Variants in ID1 observed in about 807,000 individuals in gnomAD.
ID1 encodes the protein DNA-binding protein inhibitor ID-1.
A neutral mutation model predicts 11.3 loss-of-function variants in ID1; 8 were observed. That is an observed-to-expected ratio of 0.71 (90% CI 0.42 to 1.28). The LOEUF is 1.28. Ranked by LOEUF, ID1 falls within the 50% of genes most tolerant of loss-of-function variation. The pLI is 0.01. For missense variants in ID1, 347 were observed against 219.8 expected, an observed-to-expected ratio of 1.58 and a Z score of -3.66; for synonymous variants, 176 against 100.2, an observed-to-expected ratio of 1.76 and a Z score of -4.52.
Position 31,606,129 on chromosome 20 carries a change from T to G in ID1, c.*35T>G. The G allele has an allele frequency of 5.0e-6, 8 of 1,596,576 alleles. No homozygotes were observed. The highest frequency in any genetic ancestry group is 6.8e-6 in the Non-Finnish European group (8 of 1,169,268). On this transcript the variant is annotated 3_prime_UTR_variant, in exon 2 of 2. Coordinates refer to ENST00000376112, the MANE Select transcript of ID1 (RefSeq NM_002165.4). ...CCCAGGGACCGGCGGACCCCAGCCA[T>G]CCAGGGGGCAAGAGGAATTACGTGC...
rs1481790127 is a variant in ID1 at position 31,606,076 on chromosome 20, T to G, written c.450T>G (p.Asp150Glu). ...TAEAACVPAD[D>E]RILCR is the part of the protein sequence containing the mutation. ...AGGCGGCATGCGTTCCTGCGGACGATCGCATCTTGTGTCGCTGAAGCGCCT... is the reference window on the plus strand; with the variant it reads ...AGGCGGCATGCGTTCCTGCGGACGAGCGCATCTTGTGTCGCTGAAGCGCCT... The change falls in exon 2 of 2, where the codon GAT (aspartate) becomes GAG (glutamate). Residue 150 changes from aspartate to glutamate, a missense_variant. By Grantham distance (45) the Asp-to-Glu change is conservative (BLOSUM62 2). Coordinates refer to ENST00000376112, the MANE Select transcript of ID1 (RefSeq NM_002165.4). 4 of 1,609,502 alleles carry G rather than the reference T, an allele frequency of 2.5e-6. No individual in the cohort carries two copies. Among genetic ancestry groups the G allele is most frequent in the African/African-American group, 1.3e-5 (1 of 75,058 alleles).
rs1568818876 is a variant in ID1, at chr20:31,605,449, C to T, written c.62C>T (p.Ala21Val). 1.2e-6 allele frequency: 2 copies of T among 1,608,764 alleles called. No individual in the cohort carries two copies. Among genetic ancestry groups the T allele is most frequent in the East Asian group, 2.2e-5 (1 of 44,724 alleles). ...AAAGPSCALK[A>V]GKTASGAGEV... Reference sequence around the variant, plus strand: ...GCGGGCCCCAGCTGCGCGCTGAAGGCCGGCAAGACAGCGAGCGGTGCGGGC... The same window carrying T: ...GCGGGCCCCAGCTGCGCGCTGAAGGTCGGCAAGACAGCGAGCGGTGCGGGC... The change falls in exon 1 of 2, where the codon GCC (alanine) becomes GTC (valine). Residue 21 changes from alanine to valine, a missense_variant. Coordinates refer to ENST00000376112, the MANE Select transcript of ID1 (RefSeq NM_002165.4).
At position 31,605,548 on chromosome 20, in the gene ID1, C is replaced by G; in HGVS notation, c.161C>G (p.Pro54Arg). The change falls in exon 1 of 2, where the codon CCT (proline) becomes CGT (arginine). Residue 54 changes from proline (P) to arginine (R), a missense_variant. By Grantham distance (103) the Pro-to-Arg change is moderately radical. Coordinates refer to ENST00000376112, the MANE Select transcript of ID1 (RefSeq NM_002165.4). ...GCCGGGGGCGCCGGGGCGCGCCTGC[C>G]TGCCCTGCTGGACGAGCAGCAGGTA... ...RCAGGAGARL[P>R]ALLDEQQVNV... 1 of 1,558,294 alleles carries G rather than the reference C, an allele frequency of 6.4e-7. No individual in the cohort carries two copies. The highest frequency in any genetic ancestry group is 8.7e-7 in the Non-Finnish European group (1 of 1,149,328).
rs184161698 is a variant in ID1 at position 31,606,267 on chromosome 20, A to T, written c.*173A>T. Reference sequence around the variant, plus strand: ...TGGGGCTGAGGCTGAGGCACTGGCGAGGAGAGGGCGCTCCTCTCTGCACAC... The same window carrying T: ...TGGGGCTGAGGCTGAGGCACTGGCGTGGAGAGGGCGCTCCTCTCTGCACAC... On this transcript the variant is annotated 3_prime_UTR_variant, in exon 2 of 2. Coordinates refer to ENST00000376112, the MANE Select transcript of ID1 (RefSeq NM_002165.4). The T allele has an allele frequency of 1.1e-3, 768 of 669,448 alleles. 1 individual carries two copies. The highest frequency in any genetic ancestry group is 3.2e-3 in the Admixed American group (123 of 38,358). The allele number at this position is 669,448 out of a possible 1,614,324, so 41.5% of individuals were successfully genotyped here.
rs1024733250 is a variant in ID1, at chr20:31,605,322, C to G, written c.-66C>G. Reference sequence around the variant, plus strand: ...TTCTTAACTGTTCCATTTTCCGTATCTGCTTCGGGCTTCCACCTCATTTTT... The same window carrying G: ...TTCTTAACTGTTCCATTTTCCGTATGTGCTTCGGGCTTCCACCTCATTTTT... On this transcript the variant is annotated 5_prime_UTR_variant, in exon 1 of 2. The change creates a new upstream start codon in the 5' untranslated region. Transcript: ENST00000376112. 4.7e-5 allele frequency: 67 copies of G among 1,439,206 alleles called. No individual in the cohort carries two copies. The highest frequency in any genetic ancestry group is 9.6e-5 in the East Asian group (4 of 41,496). 89.2% of individuals were successfully genotyped at this position (1,439,206 alleles called of 1,614,324 possible).
chr20:31,605,933 G>A, intron 1 of ID1, 120 bp downstream of exon 1: 3 of 1,588,974 alleles, frequency 1.9e-6, no homozygotes, highest in Non-Finnish European at 2.6e-6. Context: ...CTATGCGGGG[G>A]TGCCTAAGGA....
Position 31,606,069 on chromosome 20 carries a change from C to T in ID1, c.443C>T (p.Ala148Val), listed in dbSNP as rs765973693. Residue 148 changes from alanine to valine, a missense_variant, in exon 2 of 2, where the codon GCG (alanine) becomes GTG (valine). Ala to Val is a moderately conservative substitution (Grantham distance 64). Coordinates refer to ENST00000376112, the MANE Select transcript of ID1 (RefSeq NM_002165.4). The part of the protein sequence containing the change: ...ALTAEAACVP[A>V]DDRILCR ...TTTTCACAGGCGGCATGCGTTCCTG[C>T]GGACGATCGCATCTTGTGTCGCTGA... 4.3e-6 allele frequency: 7 copies of T among 1,609,860 alleles called. No homozygotes were observed. The East Asian group carries it at 6.7e-5, about 15-fold the overall frequency.
rs751261392 is a variant in ID1, at chr20:31,605,563, A to G, written c.176A>G (p.Glu59Gly). The G allele has an allele frequency of 3.8e-5, 59 of 1,558,494 alleles. No individual in the cohort carries two copies. The highest frequency in any genetic ancestry group is 5.0e-5 in the Non-Finnish European group (58 of 1,149,936). Residue 59 changes from glutamate to glycine, a missense_variant, in exon 1 of 2, where the codon GAG becomes GGG. Physicochemically the swap from Glu to Gly is moderately conservative, Grantham distance 98. Coordinates refer to ENST00000376112, the MANE Select transcript of ID1 (RefSeq NM_002165.4). The stretch of plus-strand genomic sequence containing the variant: ...GCGCGCCTGCCTGCCCTGCTGGACG[A>G]GCAGCAGGTAAACGTGCTGCTCTAC... ...AGARLPALLD[E>G]QQVNVLLYDM...
In ID1 at chr20:31,606,209, C is replaced by A; in HGVS notation, c.*115C>A. 4 of 1,116,652 alleles carry A rather than the reference C, an allele frequency of 3.6e-6. No individual in the cohort carries two copies. Among genetic ancestry groups the A allele is most frequent in the South Asian group, 1.3e-5 (1 of 75,722 alleles). 69.2% of individuals were successfully genotyped at this position (1,116,652 alleles called of 1,614,324 possible). A position where few individuals can be genotyped will look rare whatever the true frequency, so the allele number is the denominator to read the frequency against. On this transcript the variant is annotated 3_prime_UTR_variant, in exon 2 of 2. Transcript: ENST00000376112. ...GGATCTGAGGGAGAACAAGACCGATCGGCGGCCACTGCGCCCTTAACTGCA... is the reference window on the plus strand; with the variant it reads ...GGATCTGAGGGAGAACAAGACCGATAGGCGGCCACTGCGCCCTTAACTGCA...
rs1207370966 is a variant in ID1 at position 31,605,543 on chromosome 20, C to G, written c.156C>G (p.Arg52=). The change falls in exon 1 of 2, where the codon CGC becomes CGG. Residue 52 remains arginine, a synonymous_variant. Transcript: ENST00000376112. ...ISRCAGGAGA[R]LPALLDEQQV... is the part of the protein sequence containing the mutation. ...GCTGCGCCGGGGGCGCCGGGGCGCG[C>G]CTGCCTGCCCTGCTGGACGAGCAGC... 4 of 1,556,086 alleles carry G rather than the reference C, an allele frequency of 2.6e-6. No individual in the cohort carries two copies. The highest frequency in any genetic ancestry group is 3.5e-6 in the Non-Finnish European group (4 of 1,147,922).
chr20:31,605,909 T>G (rs1600701445), intron 1 of ID1, 96 bp downstream of exon 1: 2 of 1,582,780 alleles, frequency 1.3e-6, no homozygotes, highest in East Asian at 4.6e-5. Context: ...CGTCCCATCC[T>G]TGCGGGTACC....
At position 31,606,369 on chromosome 20, in the gene ID1, A is replaced by T; in HGVS notation, c.*275A>T. 1 of 546,358 alleles carries T rather than the reference A, an allele frequency of 1.8e-6. No homozygotes were observed. The highest frequency in any genetic ancestry group is 3.3e-6 in the Non-Finnish European group (1 of 300,168). 33.8% of individuals were successfully genotyped at this position (546,358 alleles called of 1,614,324 possible). On this transcript the variant is annotated 3_prime_UTR_variant, in exon 2 of 2. Coordinates refer to ENST00000376112, the MANE Select transcript of ID1 (RefSeq NM_002165.4). ...TTTTTTGAAAAGCAGACATTTTAAA[A>T]AATGGTCACGTTTGGTGCTTCTCAG... is the stretch of plus-strand genomic sequence containing the variant.
Position 31,606,259 on chromosome 20 carries a change from C to A in ID1, c.*165C>A. 1.4e-6 allele frequency: 1 copy of A among 711,736 alleles called. No individual in the cohort carries two copies. Among genetic ancestry groups the A allele is most frequent in the Non-Finnish European group, 2.4e-6 (1 of 410,754 alleles). The allele number at this position is 711,736 out of a possible 1,614,324, so 44.1% of individuals were successfully genotyped here. ...ATCCAGCCTGGGGCTGAGGCTGAGG[C>A]ACTGGCGAGGAGAGGGCGCTCCTCT... On this transcript the variant is annotated 3_prime_UTR_variant, in exon 2 of 2. Transcript: ENST00000376112.
chr20:31,605,925 A>C, intron 1 of ID1, 112 bp downstream of exon 1: 3 of 1,586,144 alleles, frequency 1.9e-6, no homozygotes. Context: ...GTACCTGGCT[A>C]TGCGGGGGTG....
At chr20:31,605,852 G>C (rs1468272327) in intron 1 of ID1, 39 bp downstream of exon 1, 2 of 1,599,608 alleles carry the variant, frequency 1.3e-6, no homozygotes, top group African/African-American at 2.7e-5. Context: ...TCCTTATACC[G>C]ACGGGGAAAC....
rs116070319 is a variant in ID1, at chr20:31,605,356, G to A, written c.-32G>A. 2.1e-3 allele frequency: 3,232 copies of A among 1,573,664 alleles called. 57 individuals carry two copies. The African/African-American group carries it at 0.04, about 19-fold the overall frequency. ...GCTTCCACCTCATTTTTTTCGCTTT[G>A]CCCATTCTGTTTCAGCCAGTCGCCA... On this transcript the variant is annotated 5_prime_UTR_variant, in exon 1 of 2. Transcript: ENST00000376112.
In ID1 at chr20:31,606,276, C is replaced by A; in HGVS notation, c.*182C>A. The A allele has an allele frequency of 1.5e-6, 1 of 647,010 alleles. No individual in the cohort carries two copies. Among genetic ancestry groups the A allele is most frequent in the Non-Finnish European group, 2.8e-6 (1 of 359,606 alleles). The allele number at this position is 647,010 out of a possible 1,614,324, so 40.1% of individuals were successfully genotyped here. A position where few individuals can be genotyped will look rare whatever the true frequency, so the allele number is the denominator to read the frequency against. ...GGCTGAGGCACTGGCGAGGAGAGGG[C>A]GCTCCTCTCTGCACACCTACTAGTC... On this transcript the variant is annotated 3_prime_UTR_variant, in exon 2 of 2. Coordinates refer to ENST00000376112, the MANE Select transcript of ID1 (RefSeq NM_002165.4).
rs1986057562 is a variant in ID1, at chr20:31,605,489, T to C, written c.102T>C (p.Cys34=). 6.2e-7 allele frequency: 1 copy of C among 1,605,336 alleles called. No individual in the cohort carries two copies. The highest frequency in any genetic ancestry group is 2.2e-5 in the East Asian group (1 of 44,636). The change falls in exon 1 of 2, where the codon TGT becomes TGC. Residue 34 remains cysteine, a synonymous_variant. Transcript: ENST00000376112. ...GCGGTGCGGGCGAGGTGGTGCGCTG[T>C]CTGTCTGAGCAGAGCGTGGCCATCT... is the stretch of plus-strand genomic sequence containing the variant. ...TASGAGEVVR[C]LSEQSVAISR...
rs577283957 is a variant in ID1, at chr20:31,606,371, A to T, written c.*277A>T. On this transcript the variant is annotated 3_prime_UTR_variant, in exon 2 of 2. Coordinates refer to ENST00000376112, the MANE Select transcript of ID1 (RefSeq NM_002165.4). ...TTTTGAAAAGCAGACATTTTAAAAA[A>T]TGGTCACGTTTGGTGCTTCTCAGAT... The T allele has an allele frequency of 3.7e-6, 2 of 546,296 alleles. No homozygotes were observed. Among genetic ancestry groups the T allele is most frequent in the East Asian group, 6.2e-5 (2 of 32,466 alleles). 33.8% of individuals were successfully genotyped at this position (546,296 alleles called of 1,614,324 possible). A position where few individuals can be genotyped will look rare whatever the true frequency, so the allele number is the denominator to read the frequency against.
Sources: allele counts gnomAD v4.1 joint callset, GRCh38; gene constraint gnomAD v4.1.1; transcripts MANE v1.5; gene names NCBI Gene and HGNC (gene_info 2026-07-23, HGNC 2026-07-21).